Variants in CDK6 observed in about 807,000 individuals in gnomAD.
CDK6 encodes cyclin-dependent kinase 6.
CDK6 carries 6 observed loss-of-function variants against 37.1 expected under a neutral mutation model. The ratio of observed to expected loss-of-function variants is 0.16; its 90% CI spans 0.09 to 0.32. CDK6 has a LOEUF of 0.32. CDK6 is among the 10% of genes least tolerant of loss of function. The pLI, the probability that CDK6 is intolerant of heterozygous loss-of-function variation, is 1.00. For synonymous variants in CDK6, 160 were observed against 161.3 expected, an observed-to-expected ratio of 0.99 and a Z score of 0.06; for missense variants, 224 against 418.9, an observed-to-expected ratio of 0.53 and a Z score of 4.06.
chr7:92,820,121 C>T (rs1243324413), intron 2 of CDK6, among the ~76,000 whole-genome samples: 3 of 151,786 alleles, frequency 2.0e-5, no homozygotes, highest in East Asian at 1.9e-4. Context: ...TAAAGGCAAA[C>T]ATGGCAAGAA....
At chr7:92,788,490 C>A (rs972152239) in intron 2 of CDK6, among the ~76,000 whole-genome samples, 4 of 152,144 alleles carry the variant, frequency 2.6e-5, no homozygotes, top group African/African-American at 9.7e-5. Context: ...TGGTAACATG[C>A]ATTGAACATT....
chr7:92,634,176 A>G (rs750554788), intron 5 of CDK6, among the ~76,000 whole-genome samples: 2 of 152,124 alleles, frequency 1.3e-5, no homozygotes, highest in Non-Finnish European at 2.9e-5. Flanking sequence ...TTTAATATGT[A>G]ACTCTTTAAG....
intron 3 of CDK6, among the ~76,000 whole-genome samples, chr7:92,756,785 CA>C (rs1462756607): frequency 6.6e-6 from 1 of 152,082 alleles, no homozygotes; most frequent in East Asian, 1.9e-4. Context: ...ATGGGATTAA[CA>C]AAATTCTCCA....
In CDK6 at chr7:92,612,217, C is replaced by T. The variant is rs752262187; in HGVS notation, c.*2923G>A. Reference sequence around the variant, plus strand: ...AGAAACTAGCAGGGACATTCTTGTACTGGTCCTACTATGAAATTCAAACAT... The same window carrying T: ...AGAAACTAGCAGGGACATTCTTGTATTGGTCCTACTATGAAATTCAAACAT... On this transcript the variant is annotated 3_prime_UTR_variant, in exon 8 of 8. Coordinates refer to ENST00000424848, the MANE Select transcript of CDK6 (RefSeq NM_001145306.2). 7 of 233,046 alleles carry T rather than the reference C, an allele frequency of 3.0e-5. No homozygotes were observed. The highest frequency in any genetic ancestry group is 1.1e-4 in the Admixed American group (2 of 17,786). The allele number at this position is 233,046 out of a possible 1,614,324, so 14.4% of individuals were successfully genotyped here. A position where few individuals can be genotyped will look rare whatever the true frequency, so the allele number is the denominator to read the frequency against.
chr7:92,605,935 T>G lies in CDK6; in HGVS notation c.*9205A>C. The G allele has an allele frequency of 4.3e-6, 1 of 233,724 alleles. No individual in the cohort carries two copies. The highest frequency in any genetic ancestry group is 8.5e-6 in the Non-Finnish European group (1 of 118,042). 14.5% of individuals were successfully genotyped at this position (233,724 alleles called of 1,614,324 possible). On this transcript the variant is annotated 3_prime_UTR_variant, in exon 8 of 8. Coordinates refer to ENST00000424848, the MANE Select transcript of CDK6 (RefSeq NM_001145306.2). ...GATACAAAGTCACCTGCCAACATTC[T>G]TATAAGACTGTGTCCCAGGCAGTGA...
intron 6 of CDK6, among the ~76,000 whole-genome samples, chr7:92,619,857 A>G (rs1480683700): frequency 6.6e-6 from 1 of 152,166 alleles, no homozygotes; most frequent in Non-Finnish European, 1.5e-5. Flanking sequence ...AGATTTGTTC[A>G]ATAGTACAGC....
intron 3 of CDK6, among the ~76,000 whole-genome samples, chr7:92,761,074 A>C (rs1190997384): frequency 1.3e-5 from 2 of 152,034 alleles, no homozygotes; most frequent in East Asian, 3.9e-4. Context: ...TTATATATTA[A>C]GGATATTAAA....
At chr7:92,694,836 A>T (rs934855867) in intron 4 of CDK6, among the ~76,000 whole-genome samples, 5 of 152,210 alleles carry the variant, frequency 3.3e-5, no homozygotes, top group African/African-American at 7.2e-5. Flanking sequence ...TATATATATA[A>T]AAAGACCACA....
intron 5 of CDK6, among the ~76,000 whole-genome samples, chr7:92,635,924 A>G (rs1285709054): frequency 6.6e-6 from 1 of 152,214 alleles, no homozygotes; most frequent in Non-Finnish European, 1.5e-5. Context: ...ATAGTCAGGG[A>G]CGTGATAAGA....
In CDK6 at chr7:92,834,557, C is replaced by T. The variant is rs1370422467; in HGVS notation, c.-367-867G>A. ...AAGGGTGGGAGAAAGGGGTGTTCGC[C>T]ACAATTTCGCTTGTCGTCTCCTTAA... On this transcript the variant is annotated intron_variant, in intron 1 of 7. Coordinates refer to ENST00000424848, the MANE Select transcript of CDK6 (RefSeq NM_001145306.2). The surrounding 1 kb of genome is among the most constrained non-coding windows in gnomAD (Gnocchi z 4.6). 1.3e-5 allele frequency among the ~76,000 whole-genome samples: 2 copies of T among 151,756 alleles called. No homozygotes were observed. The highest frequency in any genetic ancestry group is 4.8e-5 in the African/African-American group (2 of 41,284).
intron 4 of CDK6, among the ~76,000 whole-genome samples, chr7:92,705,293 TAAC>T (rs1797941449): frequency 6.6e-6 from 1 of 152,222 alleles, no homozygotes; most frequent in Non-Finnish European, 1.5e-5. Flanking sequence ...CACAAAATAG[TAAC>T]AAAATATCCA....
At chr7:92,642,794 AG>A (rs1467590602) in intron 5 of CDK6, among the ~76,000 whole-genome samples, 1 of 152,108 alleles carries the variant, frequency 6.6e-6, no homozygotes, top group African/African-American at 2.4e-5. Flanking sequence ...AGAGACAACT[AG>A]ATGCTCCAAA....
chr7:92,703,600 A>G (rs960730640), intron 4 of CDK6, among the ~76,000 whole-genome samples: 7 of 152,218 alleles, frequency 4.6e-5, no homozygotes, highest in Non-Finnish European at 1.5e-5. Flanking sequence ...TATATAAAAG[A>G]ATATCTGTGT....
intron 5 of CDK6, among the ~76,000 whole-genome samples, chr7:92,652,640 G>A (rs757780348): frequency 2.6e-5 from 4 of 152,076 alleles, no homozygotes; most frequent in African/African-American, 9.7e-5. Context: ...TCATCCAGAC[G>A]CTGTTGTGAA....
rs184266446 is a variant in CDK6, at chr7:92,765,532, T to C, written c.369+9164A>G. Among the ~76,000 whole-genome samples, 37 of 152,268 alleles carry C rather than the reference T, an allele frequency of 2.4e-4. No homozygotes were observed. In the East Asian group the frequency reaches 6.9e-3, roughly 29 times the overall value. On this transcript the variant is annotated intron_variant, in intron 3 of 7. Coordinates refer to ENST00000424848, the MANE Select transcript of CDK6 (RefSeq NM_001145306.2). ...ATACCTTCAGCTTATTTTTCTGTAA[T>C]ATAAATATTTAAAAATTTTATCCTT...
At chr7:92,652,958 T>C (rs1437608738) in intron 5 of CDK6, among the ~76,000 whole-genome samples, 1 of 152,228 alleles carries the variant, frequency 6.6e-6, no homozygotes, top group Non-Finnish European at 1.5e-5. Context: ...TAAGACAACT[T>C]AGCTGAAAAT....
At chr7:92,653,656 AT>A (rs1796626363) in intron 5 of CDK6, among the ~76,000 whole-genome samples, 1 of 152,020 alleles carries the variant, frequency 6.6e-6, no homozygotes, top group Admixed American at 6.6e-5. Context: ...CTTTTTAATG[AT>A]TTTCCCCCAA....
At position 92,834,029 on chromosome 7, in the gene CDK6, C is replaced by A. The variant is rs371451158; in HGVS notation, c.-367-339G>T. 2.5e-6 allele frequency: 1 copy of A among 397,318 alleles called. No individual in the cohort carries two copies. The allele number at this position is 397,318 out of a possible 1,614,324, so 24.6% of individuals were successfully genotyped here. A position where few individuals can be genotyped will look rare whatever the true frequency, so the allele number is the denominator to read the frequency against. ...CGCGGGGGAGGGGAGGCGCCGGGCA[C>A]GTCAATGTCACGGCTTAATATTTAT... On this transcript the variant is annotated intron_variant, in intron 1 of 7. Transcript: ENST00000424848. The surrounding 1 kb of genome is among the most constrained non-coding windows in gnomAD (Gnocchi z 4.6).
intron 5 of CDK6, among the ~76,000 whole-genome samples, chr7:92,650,921 C>T (rs1419217142): frequency 6.6e-6 from 1 of 151,684 alleles, no homozygotes; most frequent in Admixed American, 6.6e-5. Context: ...GACGGAGTCT[C>T]GCTCTGTTGC....
Sources: allele counts gnomAD v4.1 joint callset (sites outside exome capture counted in the v4.1 genomes callset), GRCh38; gene constraint gnomAD v4.1.1; non-coding constraint Gnocchi (gnomAD v3.1); transcripts MANE v1.5; gene names NCBI Gene and HGNC (gene_info 2026-07-23, HGNC 2026-07-21).